The following HS2ST1 variants were observed in gnomAD, a reference collection of about 807,000 sequenced individuals.
HS2ST1 encodes the protein heparan sulfate 2-O-sulfotransferase 1.
Under a neutral mutation model 42.9 loss-of-function variants are expected in HS2ST1, and 18 were observed. That is an observed-to-expected ratio of 0.42 (90% CI 0.29 to 0.62). The LOEUF (loss-of-function observed/expected upper bound fraction) is 0.62, where lower values mean the gene tolerates loss of function less well. Among genes scored for constraint, HS2ST1 ranks in the 20% least tolerant of loss-of-function variants. HS2ST1 has a pLI of 0.21. For missense variants in HS2ST1, 334 were observed against 433.8 expected (o/e 0.77, Z 2.04); for synonymous variants, 146 against 152.9 (o/e 0.95, Z 0.33).
At chr1:86,954,123 G>A (rs1375572181) in intron 1 of HS2ST1, among the ~76,000 whole-genome samples, 5 of 151,430 alleles carry the variant, frequency 3.3e-5, no homozygotes, top group South Asian at 2.1e-4. Context: ...AGGTCGAGGC[G>A]GGCAGGTCAC....
intron 1 of HS2ST1, among the ~76,000 whole-genome samples, chr1:87,010,510 C>T (rs1404619249): frequency 6.6e-6 from 1 of 151,964 alleles, no homozygotes; most frequent in Non-Finnish European, 1.5e-5. Context: ...ATATTATTCC[C>T]TCCTTGTTTT....
chr1:87,100,233 G>A (rs1423074426), intron 5 of HS2ST1, among the ~76,000 whole-genome samples: 1 of 152,160 alleles, frequency 6.6e-6, no homozygotes, highest in African/African-American at 2.4e-5. Context: ...TAGGTGGAAT[G>A]CAAGCTCCTT....
intron 1 of HS2ST1, among the ~76,000 whole-genome samples, chr1:87,048,494 T>C (rs1650747631): frequency 6.6e-6 from 1 of 152,204 alleles, no homozygotes; most frequent in African/African-American, 2.4e-5. Context: ...GTATCCAGTC[T>C]GTCTTTCAGT....
chr1:86,963,538 T>C (rs1357544863), intron 1 of HS2ST1, among the ~76,000 whole-genome samples: 1 of 151,758 alleles, frequency 6.6e-6, no homozygotes, highest in African/African-American at 2.4e-5. Flanking sequence ...CAAAATGGAG[T>C]CTCCTATGTC....
At chr1:87,036,268 T>C (rs1235392357) in intron 1 of HS2ST1, among the ~76,000 whole-genome samples, 5 of 152,166 alleles carry the variant, frequency 3.3e-5, no homozygotes, top group Admixed American at 1.3e-4. Flanking sequence ...AACATACATG[T>C]GCATGTGTCT....
chr1:87,098,771 C>T (rs955297112), intron 5 of HS2ST1, among the ~76,000 whole-genome samples: 3 of 152,180 alleles, frequency 2.0e-5, no homozygotes, highest in Admixed American at 6.5e-5. Flanking sequence ...CCAGTTTGGC[C>T]TTTCACCTGT....
intron 1 of HS2ST1, among the ~76,000 whole-genome samples, chr1:86,986,017 A>G (rs1453645686): frequency 4.0e-5 from 6 of 149,328 alleles, no homozygotes; most frequent in Non-Finnish European, 7.4e-5. Flanking sequence ...ACCTGTTAGT[A>G]ATACACTAAT....
intron 1 of HS2ST1, among the ~76,000 whole-genome samples, chr1:86,923,793 C>A (rs568193843): frequency 7.6e-4 from 115 of 152,270 alleles, no homozygotes; most frequent in Non-Finnish European, 1.3e-3. Context: ...AGTTACCTCC[C>A]ACCAGGTCCC....
chr1:86,980,896 G>A (rs555147107), intron 1 of HS2ST1, among the ~76,000 whole-genome samples: 8 of 152,306 alleles, frequency 5.3e-5, no homozygotes, highest in Non-Finnish European at 1.0e-4. Flanking sequence ...TGGCTAAAAA[G>A]TGTGTAATAT....
chr1:86,960,388 A>G (rs894641137), intron 1 of HS2ST1, among the ~76,000 whole-genome samples: 10 of 152,182 alleles, frequency 6.6e-5, no homozygotes, highest in Non-Finnish European at 1.5e-4. Flanking sequence ...ATAACTTTTT[A>G]GACAAAACAC....
intron 1 of HS2ST1, among the ~76,000 whole-genome samples, chr1:86,926,535 T>G (rs1271322009): frequency 6.6e-6 from 1 of 152,204 alleles, no homozygotes; most frequent in Non-Finnish European, 1.5e-5. Flanking sequence ...GATTTCCTGT[T>G]TAATGTCCAA....
At chr1:87,011,433 A>G (rs753811161) in intron 1 of HS2ST1, among the ~76,000 whole-genome samples, 2 of 151,764 alleles carry the variant, frequency 1.3e-5, no homozygotes, top group Non-Finnish European at 2.9e-5. Context: ...TTGTAGTGAC[A>G]GGGTCTCACT....
chr1:87,046,388 C>T, intron 1 of HS2ST1: 1 of 784,418 alleles, frequency 1.3e-6, no homozygotes, highest in Non-Finnish European at 2.3e-6. Context: ...AGAGCTGACC[C>T]TGAAGCTGCC....
At position 87,046,583 on chromosome 1, in the gene HS2ST1, C is replaced by G. The variant is rs989761743; in HGVS notation, c.125-26351C>G. ...GGACAAACTATGGCGGAAAAGGAAACCTCCAGTTCTGTTGGACTGGGCTGA... is the reference window on the plus strand; with the variant it reads ...GGACAAACTATGGCGGAAAAGGAAAGCTCCAGTTCTGTTGGACTGGGCTGA... On this transcript the variant is annotated intron_variant, in intron 1 of 6. Transcript: ENST00000370550. 2.5e-6 allele frequency: 4 copies of G among 1,577,540 alleles called. No homozygotes were observed. The African/African-American group carries it at 5.4e-5, about 21-fold the overall frequency.
intron 1 of HS2ST1, among the ~76,000 whole-genome samples, chr1:87,008,446 A>C (rs949015543): frequency 6.6e-6 from 1 of 152,216 alleles, no homozygotes; most frequent in African/African-American, 2.4e-5. Flanking sequence ...ACATTTATAC[A>C]CTGTAATATT....
At chr1:86,946,438 G>C (rs141561240) in intron 1 of HS2ST1, among the ~76,000 whole-genome samples, 1 of 152,274 alleles carries the variant, frequency 6.6e-6, no homozygotes, top group African/African-American at 2.4e-5. Context: ...ACTACTTCCA[G>C]TGTTTATAAG....
At chr1:86,932,599 T>G (rs1660566423) in intron 1 of HS2ST1, 1 of 152,198 alleles carries the variant, frequency 6.6e-6, no homozygotes, top group African/African-American at 2.4e-5. Context: ...ACTGATTTAA[T>G]AAATAGTGGT....
intron 1 of HS2ST1, among the ~76,000 whole-genome samples, chr1:87,028,519 G>A (rs1214527958): frequency 6.6e-6 from 1 of 152,172 alleles, no homozygotes; most frequent in Non-Finnish European, 1.5e-5. Flanking sequence ...TTTTTTAAAA[G>A]AGCGTTTCTC....
chr1:86,964,545 G>A (rs915411557), intron 1 of HS2ST1, among the ~76,000 whole-genome samples: 7 of 152,372 alleles, frequency 4.6e-5, no homozygotes, highest in Admixed American at 3.9e-4. Context: ...GGCTGAGGCA[G>A]GAGAATCAGG....
Sources: gnomAD v4.1 joint callset for allele counts (sites outside exome capture counted in the v4.1 genomes callset) on GRCh38, gnomAD v4.1.1 for gene constraint, MANE v1.5 for transcripts, NCBI Gene and HGNC (gene_info 2026-07-23, HGNC 2026-07-21) for gene names.